The following RPS6KC1 variants were observed in gnomAD, a reference collection of about 807,000 sequenced individuals.
RPS6KC1 encodes the protein inactive ribosomal protein S6 kinase delta-1.
Under a neutral mutation model 103.8 loss-of-function variants are expected in RPS6KC1, and 54 were observed. The ratio of observed to expected loss-of-function variants is 0.52; its 90% confidence interval spans 0.42 to 0.65. The LOEUF (loss-of-function observed/expected upper bound fraction) is 0.65. Among genes scored for constraint, RPS6KC1 ranks in the 30% least tolerant of loss-of-function variants. The probability of loss-of-function intolerance (pLI) is 0.00; values close to 1 mark genes in which losing one functional copy is unlikely to be tolerated. For missense variants in RPS6KC1, 1,151 were observed against 1,253.8 expected (o/e 0.92, Z 1.24); for synonymous variants, 439 against 438.7 (o/e 1.00, Z -0.01).
chr1:213,705,180 G>A, the RPS6KC1 span, among the ~76,000 whole-genome samples: 11 of 152,336 alleles, frequency 7.2e-5, no homozygotes, highest in South Asian at 1.0e-3. Context: ...AGCAAATCCA[G>A]CAAGACCTGT....
intron 4 of RPS6KC1, among the ~76,000 whole-genome samples, chr1:213,115,807 T>C (rs1228856270): frequency 6.6e-6 from 1 of 152,240 alleles, no homozygotes; most frequent in South Asian, 2.1e-4. Flanking sequence ...CATTTTGTTA[T>C]GTACGCAGTA....
the RPS6KC1 span, among the ~76,000 whole-genome samples, chr1:213,485,956 C>T: frequency 1.3e-5 from 2 of 152,290 alleles, no homozygotes; most frequent in South Asian, 4.1e-4. Context: ...TGCTCTCACC[C>T]TTCTGCTTCC....
the RPS6KC1 span, among the ~76,000 whole-genome samples, chr1:213,461,531 AC>A: frequency 3.9e-5 from 6 of 152,214 alleles, no homozygotes; most frequent in Admixed American, 3.9e-4. Flanking sequence ...TTTAAACTAT[AC>A]TACAAGGCTA....
the RPS6KC1 span, among the ~76,000 whole-genome samples, chr1:213,631,641 G>T: frequency 5.1e-4 from 78 of 152,056 alleles, no homozygotes; most frequent in Middle Eastern, 3.4e-3. Flanking sequence ...TTTTTAAATG[G>T]CTTACCAATT....
intron 6 of RPS6KC1, among the ~76,000 whole-genome samples, chr1:213,154,913 A>G (rs1030155116): frequency 1.3e-5 from 2 of 152,236 alleles, no homozygotes; most frequent in Non-Finnish European, 2.9e-5. Context: ...CCGTAAGTGT[A>G]GTACCTGGGT....
chr1:213,168,264 GGAC>G (rs1225120473), intron 7 of RPS6KC1, among the ~76,000 whole-genome samples: 3 of 151,990 alleles, frequency 2.0e-5, no homozygotes, highest in African/African-American at 7.3e-5. Context: ...ATTTGTATTT[GGAC>G]ATTTTAAAGT....
At chr1:213,693,903 A>T in the RPS6KC1 span, among the ~76,000 whole-genome samples, 2 of 152,226 alleles carry the variant, frequency 1.3e-5, no homozygotes, top group African/African-American at 2.4e-5. Flanking sequence ...GTCTAGACAC[A>T]GTCCTTGAGT....
chr1:213,834,094 A>C, the RPS6KC1 span, among the ~76,000 whole-genome samples: 1 of 152,140 alleles, frequency 6.6e-6, no homozygotes, highest in Admixed American at 6.5e-5. Context: ...GCTGGAGTGC[A>C]GTGGCACAAT....
chr1:213,716,565 A>G, the RPS6KC1 span, among the ~76,000 whole-genome samples: 1 of 152,214 alleles, frequency 6.6e-6, no homozygotes, highest in African/African-American at 2.4e-5. Flanking sequence ...AGGGGGAAAA[A>G]ATCTTGCTTT....
At chr1:213,742,045 T>A in the RPS6KC1 span, among the ~76,000 whole-genome samples, 1 of 152,174 alleles carries the variant, frequency 6.6e-6, no homozygotes, top group African/African-American at 2.4e-5. Context: ...GTCTTTGGCA[T>A]AAGAGCCTAG....
intron 6 of RPS6KC1, among the ~76,000 whole-genome samples, chr1:213,165,172 T>C (rs1251829411): frequency 3.9e-5 from 6 of 152,164 alleles, no homozygotes; most frequent in African/African-American, 1.4e-4. Context: ...TGGATGCTGC[T>C]GTTGATCAGC....
the RPS6KC1 span, among the ~76,000 whole-genome samples, chr1:213,800,415 G>A: frequency 1.3e-5 from 2 of 152,164 alleles, no homozygotes; most frequent in East Asian, 3.9e-4. Flanking sequence ...AAAGATAGGA[G>A]CCAAGGATTT....
At chr1:213,425,508 A>G in the RPS6KC1 span, among the ~76,000 whole-genome samples, 1 of 152,234 alleles carries the variant, frequency 6.6e-6, no homozygotes, top group Non-Finnish European at 1.5e-5. Context: ...AGCTGCTTAC[A>G]AAGAAGGAAG....
intron 12 of RPS6KC1, among the ~76,000 whole-genome samples, chr1:213,253,564 A>G (rs1045607591): frequency 2.6e-5 from 4 of 152,172 alleles, no homozygotes; most frequent in African/African-American, 4.8e-5. Flanking sequence ...TTTCGATTCA[A>G]TTTCCAGTAT....
At chr1:213,631,943 T>A in the RPS6KC1 span, among the ~76,000 whole-genome samples, 2 of 152,110 alleles carry the variant, frequency 1.3e-5, no homozygotes, top group Non-Finnish European at 2.9e-5. Context: ...TGGCAAACAC[T>A]GATCTCTTCT....
At chr1:213,835,874 A>C in the RPS6KC1 span, 1 of 152,060 alleles carries the variant, frequency 6.6e-6, no homozygotes, top group South Asian at 2.1e-4. Flanking sequence ...TAATACATAT[A>C]AGTGTGGGTG....
chr1:213,228,823 A>G (rs2094020504), intron 8 of RPS6KC1, among the ~76,000 whole-genome samples: 1 of 152,176 alleles, frequency 6.6e-6, no homozygotes, highest in African/African-American at 2.4e-5. Context: ...GCACATAGTA[A>G]ATGCTTAAAA....
At chr1:213,069,874 A>C (rs143834439) in intron 1 of RPS6KC1, among the ~76,000 whole-genome samples, 67 of 152,204 alleles carry the variant, frequency 4.4e-4, no homozygotes, top group African/African-American at 1.6e-3. Context: ...AGATTTTCCT[A>C]ATTTAGGATG....
At chr1:213,791,366 A>G in the RPS6KC1 span, among the ~76,000 whole-genome samples, 2 of 152,192 alleles carry the variant, frequency 1.3e-5, no homozygotes, top group African/African-American at 4.8e-5. Flanking sequence ...CTTTGCTAAC[A>G]AACTCGTTGT....
Sources: gnomAD v4.1 joint callset for allele counts (sites outside exome capture counted in the v4.1 genomes callset) on GRCh38, gnomAD v4.1.1 for gene constraint, MANE v1.5 for transcripts, NCBI Gene and HGNC (gene_info 2026-07-23, HGNC 2026-07-21) for gene names.